The following ZFAND3 variants were observed in gnomAD, a reference collection of about 807,000 sequenced individuals.
ZFAND3 encodes the protein AN1-type zinc finger protein 3.
Under a neutral mutation model 29.6 loss-of-function variants are expected in ZFAND3, and 10 were observed. That is an observed-to-expected ratio of 0.34 (90% CI 0.21 to 0.57). ZFAND3 has a LOEUF of 0.57. Ranked by LOEUF, ZFAND3 falls within the 20% of genes least tolerant of loss-of-function variation. ZFAND3 has a pLI of 0.86. For synonymous variants in ZFAND3, 128 were observed against 112.6 expected (o/e 1.14, Z -0.87); for missense variants, 230 against 304.5 (o/e 0.76, Z 1.82).
intron 4 of ZFAND3, among the ~76,000 whole-genome samples, chr6:38,101,972 A>T (rs78797957): frequency 0.015 from 2,222 of 152,232 alleles, 23 homozygotes; most frequent in Middle Eastern, 0.044. Context: ...AAACGTTCAA[A>T]CATTTCCCCC....
intron 4 of ZFAND3, among the ~76,000 whole-genome samples, chr6:38,091,029 G>A (rs960983886): frequency 6.6e-6 from 1 of 152,210 alleles, no homozygotes; most frequent in Non-Finnish European, 1.5e-5. Flanking sequence ...CTCAGGAGAA[G>A]CAGGGGCTCC....
chr6:37,872,121 G>A lies in ZFAND3; in HGVS notation c.71+52105G>A, dbSNP rs574393766. On this transcript the variant is annotated intron_variant, in intron 1 of 5. Coordinates refer to ENST00000287218, the MANE Select transcript of ZFAND3 (RefSeq NM_021943.3). ...AGAATCACTCTGAACTCTGTCATCT[G>A]GTTCTTCATCTCAGTAAGACAGTAG... Among the ~76,000 whole-genome samples, 3 of 152,232 alleles carry A rather than the reference G, an allele frequency of 2.0e-5. No homozygotes were observed. The South Asian group carries it at 6.2e-4, about 32-fold the overall frequency.
intron 1 of ZFAND3, among the ~76,000 whole-genome samples, chr6:37,839,151 G>A (rs1764022514): frequency 6.6e-6 from 1 of 151,538 alleles, no homozygotes; most frequent in African/African-American, 2.4e-5. Flanking sequence ...TTAAAATTGA[G>A]TTGTATGCCT....
At chr6:38,113,107 C>G (rs559345855) in intron 4 of ZFAND3, among the ~76,000 whole-genome samples, 23 of 152,198 alleles carry the variant, frequency 1.5e-4, no homozygotes, top group African/African-American at 5.5e-4. Flanking sequence ...TGGGCATATT[C>G]CAGAGCTTCA....
At position 37,896,554 on chromosome 6, in the gene ZFAND3, CTTTCTTTCTTTCTT is replaced by C. The variant is rs1554153846; in HGVS notation, c.72-33403_72-33390del. On this transcript the variant is annotated intron_variant, in intron 1 of 5. Transcript: ENST00000287218. ...TCTTTCTTTCTTTCTTTCTTTCTTT[CTTTCTTTCTTTCTT>C]TCTCTCTTTCTCTCTCTTTCTCTTT... is the stretch of plus-strand genomic sequence containing the variant. Among the ~76,000 whole-genome samples the C allele has an allele frequency of 1.0e-4, 14 of 137,814 alleles. No individual in the cohort carries two copies. The East Asian group carries it at 2.5e-3, about 25-fold the overall frequency. 90.4% of individuals were successfully genotyped at this position (137,814 alleles called of 152,430 possible).
intron 2 of ZFAND3, among the ~76,000 whole-genome samples, chr6:37,972,765 G>A (rs1762412539): frequency 6.6e-6 from 1 of 151,746 alleles, no homozygotes; most frequent in African/African-American, 2.4e-5. Flanking sequence ...AAATGGGTGG[G>A]TGAGTGATAG....
Position 38,066,842 on chromosome 6 carries a change from G to A in ZFAND3, c.295+5067G>A, listed in dbSNP as rs544078136. ...TTTACCCAAAAGAATTTCTTAATAC[G>A]CTTCCCTGCAGGTAAATGAAGCAGG... On this transcript the variant is annotated intron_variant, in intron 3 of 5. Coordinates refer to ENST00000287218, the MANE Select transcript of ZFAND3 (RefSeq NM_021943.3). 8.9e-4 allele frequency among the ~76,000 whole-genome samples: 135 copies of A among 152,150 alleles called. 1 individual carries two copies. Among genetic ancestry groups the A allele is most frequent in the African/African-American group, 3.0e-3 (123 of 41,502 alleles).
At chr6:38,074,258 A>G (rs1388709166) in intron 3 of ZFAND3, among the ~76,000 whole-genome samples, 2 of 152,236 alleles carry the variant, frequency 1.3e-5, no homozygotes, top group Non-Finnish European at 2.9e-5. Context: ...ATGAAAATCC[A>G]AGTAGCTTCC....
At chr6:38,116,040 C>T (rs149191714) in intron 4 of ZFAND3, among the ~76,000 whole-genome samples, 12 of 152,248 alleles carry the variant, frequency 7.9e-5, no homozygotes, top group East Asian at 3.9e-4. Flanking sequence ...AGAGTAGAAA[C>T]GTGAGTAATT....
At chr6:38,097,168 T>A (rs1011182735) in intron 4 of ZFAND3, among the ~76,000 whole-genome samples, 1 of 151,982 alleles carries the variant, frequency 6.6e-6, no homozygotes, top group Non-Finnish European at 1.5e-5. Flanking sequence ...CTTGACCTCC[T>A]GGGCTCAAAC....
intron 4 of ZFAND3, among the ~76,000 whole-genome samples, chr6:38,113,228 G>C (rs955513381): frequency 7.2e-5 from 11 of 152,100 alleles, no homozygotes; most frequent in Non-Finnish European, 1.0e-4. Context: ...TGCTTCCTGG[G>C]GCCCAGACTT....
chr6:37,866,127 G>T (rs1200239373), intron 1 of ZFAND3, among the ~76,000 whole-genome samples: 1 of 152,134 alleles, frequency 6.6e-6, no homozygotes, highest in South Asian at 2.1e-4. Flanking sequence ...AGGCTCTGTA[G>T]TGGCAACTCC....
At chr6:38,023,618 AG>A (rs1305578637) in intron 2 of ZFAND3, among the ~76,000 whole-genome samples, 1 of 152,196 alleles carries the variant, frequency 6.6e-6, no homozygotes, top group Non-Finnish European at 1.5e-5. Flanking sequence ...GGCATAGGCA[AG>A]GAAGAAACTT....
intron 2 of ZFAND3, among the ~76,000 whole-genome samples, chr6:38,018,191 A>C (rs943496899): frequency 1.3e-5 from 2 of 152,156 alleles, no homozygotes; most frequent in African/African-American, 2.4e-5. Flanking sequence ...CATCATCCAT[A>C]ATCTTTATTA....
chr6:37,923,444 A>G (rs555465259), intron 1 of ZFAND3, among the ~76,000 whole-genome samples: 2 of 152,252 alleles, frequency 1.3e-5, no homozygotes, highest in South Asian at 4.1e-4. Flanking sequence ...CATGATAACA[A>G]TGCCTTCTTC....
chr6:37,904,663 G>A (rs1765377346), intron 1 of ZFAND3, among the ~76,000 whole-genome samples: 1 of 152,168 alleles, frequency 6.6e-6, no homozygotes, highest in African/African-American at 2.4e-5. Context: ...GAAGCAGAAT[G>A]TTCACTTCTA....
chr6:37,896,339 A>T (rs1765202044), intron 1 of ZFAND3, among the ~76,000 whole-genome samples: 1 of 151,610 alleles, frequency 6.6e-6, no homozygotes, highest in South Asian at 2.1e-4. Flanking sequence ...TATTTTGTTA[A>T]TGTGGCCTAT....
chr6:37,989,410 G>C (rs1762722768), intron 2 of ZFAND3, among the ~76,000 whole-genome samples: 1 of 152,070 alleles, frequency 6.6e-6, no homozygotes, highest in Non-Finnish European at 1.5e-5. Flanking sequence ...CCTCTCCTTG[G>C]TTTACAGACA....
At chr6:37,977,669 A>G (rs1330836849) in intron 2 of ZFAND3, among the ~76,000 whole-genome samples, 1 of 151,992 alleles carries the variant, frequency 6.6e-6, no homozygotes, top group African/African-American at 2.4e-5. Flanking sequence ...TAAGAGGGCA[A>G]GCTTTCAGTC....
Sources: gnomAD v4.1 joint callset for allele counts (sites outside exome capture counted in the v4.1 genomes callset) on GRCh38, gnomAD v4.1.1 for gene constraint, MANE v1.5 for transcripts, NCBI Gene and HGNC (gene_info 2026-07-23, HGNC 2026-07-21) for gene names.